ANKRD44: variants seen among roughly 807,000 people sequenced by gnomAD.
ANKRD44 encodes the protein ankyrin repeat domain 44, also known as serine/threonine-protein phosphatase 6 regulatory ankyrin repeat subunit B.
Under a neutral mutation model 116.0 loss-of-function variants are expected in ANKRD44, and 35 were observed. The observed-to-expected ratio is 0.30, with a 90% CI of 0.23 to 0.40. The LOEUF (loss-of-function observed/expected upper bound fraction) is 0.40, where lower values mean the gene tolerates loss of function less well. ANKRD44 is among the 10% of genes least tolerant of loss of function. The pLI is 1.00. For missense variants in ANKRD44, 1,014 were observed against 1,242.6 expected (o/e 0.82, Z 2.77); for synonymous variants, 435 against 461.8 (o/e 0.94, Z 0.74).
At chr2:197,120,247 T>C (rs1355181574) in intron 8 of ANKRD44, among the ~76,000 whole-genome samples, 1 of 152,194 alleles carries the variant, frequency 6.6e-6, no homozygotes, top group African/African-American at 2.4e-5. Context: ...ACTCTTTCAG[T>C]ACCAAACAGA....
chr2:197,000,481 A>C lies in ANKRD44; in HGVS notation c.2457T>G (p.Cys819Trp), dbSNP rs1352195062. ...CTATGGCCCCAAGCAGCAATGATGCACAATTCCCATGATCATTGATTCTAA... is the reference window on the plus strand; with the variant it reads ...CTATGGCCCCAAGCAGCAATGATGCCCAATTCCCATGATCATTGATTCTAA... The part of the protein sequence containing the change: ...HCAIINDHGN[C>W]ASLLLGAIDS... Residue 819 changes from cysteine (C) to tryptophan (W), a missense_variant, in exon 23 of 28, where the codon TGT (cysteine) becomes TGG (tryptophan). By Grantham distance (215) the Cys-to-Trp change is radical (BLOSUM62 -2). Coordinates refer to ENST00000282272, the MANE Select transcript of ANKRD44 (RefSeq NM_001195144.2). The C allele has an allele frequency of 1.2e-6, 2 of 1,613,938 alleles. No homozygotes were observed. Among genetic ancestry groups the C allele is most frequent in the African/African-American group, 2.7e-5 (2 of 74,946 alleles).
chr2:197,217,407 T>C (rs2081474280), intron 1 of ANKRD44, among the ~76,000 whole-genome samples: 1 of 152,218 alleles, frequency 6.6e-6, no homozygotes, highest in Non-Finnish European at 1.5e-5. Flanking sequence ...AACATATCCA[T>C]ATTCTTTAAT....
chr2:197,240,105 T>A (rs1186608986), intron 1 of ANKRD44, among the ~76,000 whole-genome samples: 1 of 152,108 alleles, frequency 6.6e-6, no homozygotes, highest in Non-Finnish European at 1.5e-5. Context: ...CCAGGCATGA[T>A]GGCTCACGCC....
At chr2:196,967,257 C>A in exon 22 of ANKRD44, 1 of 281,648 alleles carries the variant, frequency 3.6e-6, no homozygotes, top group Admixed American at 4.0e-5. Context: ...ATAAAGGGTG[C>A]GTGCTTCCCA....
At chr2:197,175,949 A>C (rs2080354941) in intron 2 of ANKRD44, among the ~76,000 whole-genome samples, 1 of 152,116 alleles carries the variant, frequency 6.6e-6, no homozygotes, top group Non-Finnish European at 1.5e-5. Context: ...AAAGTACATC[A>C]CCACCTAATG....
chr2:197,061,019 T>C (rs1417926826), intron 16 of ANKRD44, among the ~76,000 whole-genome samples: 1 of 151,326 alleles, frequency 6.6e-6, no homozygotes, highest in Non-Finnish European at 1.5e-5. Context: ...GAGATACTGA[T>C]TTCATTTCCT....
chr2:197,242,417 G>T (rs1170289246), intron 1 of ANKRD44, among the ~76,000 whole-genome samples: 2 of 152,078 alleles, frequency 1.3e-5, no homozygotes, highest in African/African-American at 4.8e-5. Context: ...TGATCCTAAG[G>T]CTCCCCACAT....
At chr2:197,280,925 G>A (rs777333962) in intron 1 of ANKRD44, among the ~76,000 whole-genome samples, 1 of 151,952 alleles carries the variant, frequency 6.6e-6, no homozygotes, top group Admixed American at 6.6e-5. Context: ...CTGGAGTCTG[G>A]TCAGTGGGGC....
At position 197,005,616 on chromosome 2, in the gene ANKRD44, G is replaced by T. The variant is rs991498485; in HGVS notation, c.2347+78C>A. 6 of 1,267,806 alleles carry T rather than the reference G, an allele frequency of 4.7e-6. No individual in the cohort carries two copies. In the African/African-American group the frequency reaches 8.9e-5, roughly 19 times the overall value. 78.5% of individuals were successfully genotyped at this position (1,267,806 alleles called of 1,614,324 possible). On this transcript the variant is annotated intron_variant, in intron 21 of 27. Transcript: ENST00000282272. ...AACCATGGTTTGCAGAATTACATAAGGCTCTCACCTCCACTGAGCTCACAG... is the reference window on the plus strand; with the variant it reads ...AACCATGGTTTGCAGAATTACATAATGCTCTCACCTCCACTGAGCTCACAG...
At chr2:197,255,450 A>C (rs1429801348) in intron 1 of ANKRD44, among the ~76,000 whole-genome samples, 3 of 152,262 alleles carry the variant, frequency 2.0e-5, no homozygotes, top group Non-Finnish European at 4.4e-5. Flanking sequence ...CCCAACTCTG[A>C]AAGAAAAACC....
intron 1 of ANKRD44, among the ~76,000 whole-genome samples, chr2:197,231,438 A>G (rs2081860118): frequency 6.6e-6 from 1 of 152,108 alleles, no homozygotes; most frequent in African/African-American, 2.4e-5. Context: ...CTTTAAAAAA[A>G]AAAATTGAGC....
chr2:197,005,071 A>G (rs757306881), intron 21 of ANKRD44, among the ~76,000 whole-genome samples: 34 of 152,144 alleles, frequency 2.2e-4, no homozygotes, highest in Non-Finnish European at 4.3e-4. Flanking sequence ...AATTATTTAT[A>G]TTTTCAAAGG....
chr2:197,214,004 A>G (rs576835218), intron 1 of ANKRD44, among the ~76,000 whole-genome samples: 2 of 152,348 alleles, frequency 1.3e-5, no homozygotes, highest in Non-Finnish European at 2.9e-5. Flanking sequence ...AATCACTTTA[A>G]GGCAATCAAG....
chr2:196,970,955 G>A (rs1363192762), intron 21 of ANKRD44, among the ~76,000 whole-genome samples: 2 of 152,014 alleles, frequency 1.3e-5, no homozygotes. Context: ...CTCCCGCCTC[G>A]GCCTCCCAAA....
chr2:197,113,555 A>G (rs895283370), intron 8 of ANKRD44, among the ~76,000 whole-genome samples: 4 of 152,238 alleles, frequency 2.6e-5, no homozygotes, highest in African/African-American at 9.6e-5. Flanking sequence ...CCATGTCTAT[A>G]AAAGAGCTTA....
intron 16 of ANKRD44, among the ~76,000 whole-genome samples, chr2:197,060,462 C>T (rs1376835814): frequency 1.3e-5 from 2 of 152,126 alleles, no homozygotes; most frequent in East Asian, 3.8e-4. Flanking sequence ...TATATGTGTA[C>T]ATTGTGAAAT....
intron 16 of ANKRD44, 124 bp from the exon 17 acceptor site, chr2:197,025,391 A>G (rs2076572400): frequency 3.1e-6 from 2 of 647,622 alleles, no homozygotes; most frequent in Middle Eastern, 2.8e-4. Context: ...TAAAAATATG[A>G]TATAACATAT....
At position 197,171,996 on chromosome 2, in the gene ANKRD44, C is replaced by CTTTTTTTTTT. The variant is rs1559122763; in HGVS notation, c.111+15026_111+15027insAAAAAAAAAA. 1.4e-4 allele frequency among the ~76,000 whole-genome samples: 4 copies of CTTTTTTTTTT among 29,318 alleles called. 1 individual carries two copies. The highest frequency in any genetic ancestry group is 4.3e-4 in the Non-Finnish European group (3 of 7,034). 19.2% of individuals were successfully genotyped at this position (29,318 alleles called of 152,430 possible). A position where few individuals can be genotyped will look rare whatever the true frequency, so the allele number is the denominator to read the frequency against. ...TATTATTACCATGTCCGTTATTTTT[C>CTTTTTTTTTT]TTCTTTTTTTTTTTTTTTTTTGAGA... On this transcript the variant is annotated intron_variant, in intron 2 of 27. Coordinates refer to ENST00000282272, the MANE Select transcript of ANKRD44 (RefSeq NM_001195144.2).
chr2:197,068,403 ATAAAAT>A (rs2077486036), intron 16 of ANKRD44, among the ~76,000 whole-genome samples: 1 of 63,056 alleles, frequency 1.6e-5, no homozygotes. Context: ...AAAAATAAAA[ATAAAAT>A]AAAAAAAAAT....
Sources: allele counts gnomAD v4.1 joint callset (sites outside exome capture counted in the v4.1 genomes callset), GRCh38; gene constraint gnomAD v4.1.1; transcripts MANE v1.5; gene names NCBI Gene and HGNC (gene_info 2026-07-23, HGNC 2026-07-21).